NRF1: variants seen among roughly 807,000 people sequenced by gnomAD.
The protein encoded by NRF1 is nuclear respiratory factor 1, also known as alpha palindromic-binding protein.
NRF1 carries 5 observed loss-of-function variants against 58.5 expected under a neutral mutation model. The observed-to-expected ratio is 0.09, with a 90% CI of 0.04 to 0.18. The LOEUF (loss-of-function observed/expected upper bound fraction) is 0.18, where lower values mean the gene tolerates loss of function less well. Ranked by LOEUF, NRF1 falls within the 10% of genes least tolerant of loss-of-function variation. NRF1 has a pLI of 1.00. For missense variants in NRF1, 288 were observed against 657.7 expected, an observed-to-expected ratio of 0.44 and a Z score of 6.15; for synonymous variants, 224 against 246.7, an observed-to-expected ratio of 0.91 and a Z score of 0.86.
chr7:129,700,531 T>C (rs1802797309), intron 5 of NRF1, among the ~76,000 whole-genome samples: 1 of 152,228 alleles, frequency 6.6e-6, no homozygotes, highest in South Asian at 2.1e-4. Context: ...CAGAATTTAC[T>C]GGCAAAGCAG....
At chr7:129,661,516 C>G (rs1172538384) in intron 2 of NRF1, among the ~76,000 whole-genome samples, 2 of 151,008 alleles carry the variant, frequency 1.3e-5, no homozygotes, top group Admixed American at 6.6e-5. Flanking sequence ...TAAATCATCT[C>G]TCTCAAGTTC....
At chr7:129,754,464 T>TACAAAAAAAAAAAAAAAAA (rs1804200789) in intron 10 of NRF1, among the ~76,000 whole-genome samples, 1 of 51,204 alleles carries the variant, frequency 2.0e-5, no homozygotes, top group African/African-American at 9.6e-5. Flanking sequence ...CCCTGTCTCT[T>TACAAAAAAAAAAAAAAAAA]AAAAAAAAAA....
At chr7:129,676,784 T>A (rs1177729895) in intron 3 of NRF1, among the ~76,000 whole-genome samples, 1 of 152,182 alleles carries the variant, frequency 6.6e-6, no homozygotes, top group African/African-American at 2.4e-5. Context: ...AAACCTTTAA[T>A]TTGTTTTAAA....
At chr7:129,621,983 A>G (rs779828193) in intron 1 of NRF1, among the ~76,000 whole-genome samples, 1 of 151,910 alleles carries the variant, frequency 6.6e-6, no homozygotes, top group African/African-American at 2.4e-5. Flanking sequence ...GGGTTTCACC[A>G]TGTTGGTCAG....
chr7:129,651,802 A>G (rs1181314035), intron 1 of NRF1, among the ~76,000 whole-genome samples: 1 of 152,222 alleles, frequency 6.6e-6, no homozygotes, highest in Non-Finnish European at 1.5e-5. Flanking sequence ...TTAGAGTAGT[A>G]CAAATCTGGG....
intron 5 of NRF1, among the ~76,000 whole-genome samples, chr7:129,699,549 A>G (rs1802770469): frequency 6.6e-6 from 1 of 151,966 alleles, no homozygotes; most frequent in Non-Finnish European, 1.5e-5. Flanking sequence ...CCCCGTCTCT[A>G]CTAAAAATTT....
At chr7:129,723,448 A>C (rs1320842933) in intron 9 of NRF1, among the ~76,000 whole-genome samples, 1 of 152,134 alleles carries the variant, frequency 6.6e-6, no homozygotes, top group Non-Finnish European at 1.5e-5. Flanking sequence ...TATCTCAAAA[A>C]AAAAAAAAAA....
intron 1 of NRF1, among the ~76,000 whole-genome samples, chr7:129,618,796 G>A (rs10279839): frequency 0.88 from 133,376 of 152,180 alleles, 58,567 homozygotes; most frequent in East Asian, 0.93. Flanking sequence ...ATGTTGGTAT[G>A]CATATAATGA....
chr7:129,694,419 CA>C (rs1405519805), intron 5 of NRF1, among the ~76,000 whole-genome samples: 2 of 152,124 alleles, frequency 1.3e-5, no homozygotes, highest in Non-Finnish European at 2.9e-5. Context: ...GGCTGGAGTG[CA>C]ATGGCACGAT....
chr7:129,653,288 T>A (rs1237495684), intron 1 of NRF1, among the ~76,000 whole-genome samples: 1 of 152,220 alleles, frequency 6.6e-6, no homozygotes, highest in Non-Finnish European at 1.5e-5. Flanking sequence ...TAAATAAAAC[T>A]GTATTTTTTA....
intron 2 of NRF1, among the ~76,000 whole-genome samples, chr7:129,667,710 G>GT (rs1801952962): frequency 6.6e-6 from 1 of 150,578 alleles, no homozygotes; most frequent in Non-Finnish European, 1.5e-5. Flanking sequence ...TATTGTAGAA[G>GT]TTATAATTTT....
At chr7:129,622,600 C>T (rs1259132065) in intron 1 of NRF1, among the ~76,000 whole-genome samples, 4 of 143,036 alleles carry the variant, frequency 2.8e-5, no homozygotes, top group Non-Finnish European at 4.5e-5. Flanking sequence ...GACAATGTCT[C>T]GCTCTGTTGC....
At chr7:129,694,569 C>T (rs1171926959) in intron 5 of NRF1, among the ~76,000 whole-genome samples, 2 of 152,104 alleles carry the variant, frequency 1.3e-5, no homozygotes, top group African/African-American at 4.8e-5. Flanking sequence ...GGTTTCACCA[C>T]GTTGACCAGA....
intron 1 of NRF1, among the ~76,000 whole-genome samples, chr7:129,650,092 T>G (rs190868239): frequency 6.6e-6 from 1 of 152,088 alleles, no homozygotes; most frequent in East Asian, 1.9e-4. Context: ...GCACCCCAGG[T>G]GATGATCCAG....
At chr7:129,622,533 AATATGCATGG>A (rs1584580870) in intron 1 of NRF1, among the ~76,000 whole-genome samples, 1 of 151,914 alleles carries the variant, frequency 6.6e-6, no homozygotes, top group East Asian at 1.9e-4. Context: ...AAGATACTTT[AATATGCATGG>A]TTTAGATATT....
At chr7:129,615,878 A>G (rs1408224375) in intron 1 of NRF1, among the ~76,000 whole-genome samples, 1 of 152,218 alleles carries the variant, frequency 6.6e-6, no homozygotes, top group Non-Finnish European at 1.5e-5. Context: ...AATGAATTTC[A>G]GGTGTTTCCA....
At position 129,644,766 on chromosome 7, in the gene NRF1, C is replaced by T. The variant is rs539003561; in HGVS notation, c.-6-12580C>T. On this transcript the variant is annotated intron_variant, in intron 1 of 10. Coordinates refer to ENST00000393232, the MANE Select transcript of NRF1 (RefSeq NM_005011.5). ...AACTCTTCTCTATGGAAAGATGTTC[C>T]GGCAAGCCAAAATTCCCCATGCTGT... Among the ~76,000 whole-genome samples, 16 of 152,254 alleles carry T rather than the reference C, an allele frequency of 1.1e-4. No homozygotes were observed. The East Asian group carries it at 1.5e-3, about 15-fold the overall frequency.
At chr7:129,673,246 G>A (rs1802090802) in intron 3 of NRF1, among the ~76,000 whole-genome samples, 1 of 152,134 alleles carries the variant, frequency 6.6e-6, no homozygotes. Flanking sequence ...AGAGAATAGG[G>A]AGAGAGGAAT....
At chr7:129,674,057 C>T (rs917697864) in intron 3 of NRF1, among the ~76,000 whole-genome samples, 1 of 151,950 alleles carries the variant, frequency 6.6e-6, no homozygotes, top group Non-Finnish European at 1.5e-5. Context: ...AGGAGAATAG[C>T]TTTAACCCAG....
Sources: gnomAD v4.1 joint callset for allele counts (sites outside exome capture counted in the v4.1 genomes callset) on GRCh38, gnomAD v4.1.1 for gene constraint, MANE v1.5 for transcripts, NCBI Gene and HGNC (gene_info 2026-07-23, HGNC 2026-07-21) for gene names.